ELL: variants seen among roughly 807,000 people sequenced by gnomAD.
ELL encodes RNA polymerase II elongation factor ELL.
In ELL, 18 loss-of-function variants were observed where a neutral mutation model predicts 64.0. That is an observed-to-expected ratio of 0.28 (90% CI 0.19 to 0.42). The LOEUF is 0.42. Ranked by LOEUF, ELL falls within the 10% of genes least tolerant of loss-of-function variation. The probability of loss-of-function intolerance (pLI) is 1.00; values close to 1 mark genes in which losing one functional copy is unlikely to be tolerated. For synonymous variants in ELL, 399 were observed against 376.2 expected, an observed-to-expected ratio of 1.06 and a Z score of -0.70; for missense variants, 797 against 870.4, an observed-to-expected ratio of 0.92 and a Z score of 1.06.
intron 1 of ELL, among the ~76,000 whole-genome samples, chr19:18,485,604 C>A (rs1278249569): frequency 6.6e-6 from 1 of 152,186 alleles, no homozygotes; most frequent in Non-Finnish European, 1.5e-5. Context: ...GAGATTCAGG[C>A]CCAGCCCAGG....
chr19:18,479,176 C>A (rs577621335), intron 1 of ELL, among the ~76,000 whole-genome samples: 1 of 152,230 alleles, frequency 6.6e-6, no homozygotes, highest in South Asian at 2.1e-4. Context: ...CCACTGAGGG[C>A]GGGGACAGTC....
intron 1 of ELL, among the ~76,000 whole-genome samples, chr19:18,512,151 T>C (rs113134077): frequency 2.3e-5 from 3 of 132,726 alleles, no homozygotes; most frequent in African/African-American, 9.8e-5. Flanking sequence ...TAAGACTCCG[T>C]CTCAAAAAAA....
chr19:18,500,821 C>T (rs1283046505), intron 1 of ELL, among the ~76,000 whole-genome samples: 2 of 152,196 alleles, frequency 1.3e-5, no homozygotes, highest in African/African-American at 4.8e-5. Flanking sequence ...TAATACGTCA[C>T]TGAGGTACAC....
chr19:18,478,236 G>A (rs777251280), intron 1 of ELL, among the ~76,000 whole-genome samples: 2 of 152,322 alleles, frequency 1.3e-5, no homozygotes, highest in Non-Finnish European at 1.5e-5. Context: ...CAAGCGCCTC[G>A]TTACCTCATC....
chr19:18,488,172 A>T (rs1975457368), intron 1 of ELL, among the ~76,000 whole-genome samples: 1 of 152,230 alleles, frequency 6.6e-6, no homozygotes, highest in African/African-American at 2.4e-5. Context: ...CCTGGGTCTT[A>T]TCTCACAAAA....
chr19:18,450,872 C>T lies in ELL; in HGVS notation c.1070G>A (p.Gly357Asp). 1 of 1,583,766 alleles carries T rather than the reference C, an allele frequency of 6.3e-7. No individual in the cohort carries two copies. The highest frequency in any genetic ancestry group is 8.6e-7 in the Non-Finnish European group (1 of 1,163,686). Reference sequence around the variant, plus strand: ...CAAGGCCTCACGGCCATTGGGCACGCCCAGCTTCCCGTTGACGGCAGGCTG... The same window carrying T: ...CAAGGCCTCACGGCCATTGGGCACGTCCAGCTTCCCGTTGACGGCAGGCTG... ...RAQPAVNGKL[G>D]VPNGREALLP... Residue 357 changes from glycine (G) to aspartate (D), a missense_variant, in exon 8 of 12, where the codon GGC (glycine) becomes GAC (aspartate). Transcript: ENST00000262809.
chr19:18,457,559 A>T lies in ELL; in HGVS notation c.869+646T>A, dbSNP rs151281158. 7.8e-4 allele frequency among the ~76,000 whole-genome samples: 118 copies of T among 152,242 alleles called. 2 individuals carry two copies. The highest frequency in any genetic ancestry group is 2.5e-3 in the African/African-American group (102 of 41,538). On this transcript the variant is annotated intron_variant, in intron 6 of 11. Coordinates refer to ENST00000262809, the MANE Select transcript of ELL (RefSeq NM_006532.4). ...TCCAAAAAACAACTACAAACTCATAAATACCTCCGAGTCCCTGAGAAATCA... is the reference window on the plus strand; with the variant it reads ...TCCAAAAAACAACTACAAACTCATATATACCTCCGAGTCCCTGAGAAATCA...
intron 5 of ELL, among the ~76,000 whole-genome samples, chr19:18,458,909 C>T (rs1974742145): frequency 6.6e-6 from 1 of 151,890 alleles, no homozygotes; most frequent in African/African-American, 2.4e-5. Context: ...TTCCAGCCAC[C>T]ACACCTGGCT....
intron 1 of ELL, among the ~76,000 whole-genome samples, chr19:18,520,236 AGTCCATCGTAGTTATAT>A (rs1281723260): frequency 6.6e-6 from 1 of 152,192 alleles, no homozygotes; most frequent in East Asian, 1.9e-4. Flanking sequence ...CCAGGTACCA[AGTCCATCGTAGTTATAT>A]GACTCACGAG....
chr19:18,509,499 C>G (rs1357508980), intron 1 of ELL, among the ~76,000 whole-genome samples: 2 of 152,044 alleles, frequency 1.3e-5, no homozygotes, highest in African/African-American at 4.8e-5. Flanking sequence ...CCACAGGCCC[C>G]CACTAATCAG....
chr19:18,515,380 G>A (rs1339052868), intron 1 of ELL, among the ~76,000 whole-genome samples: 1 of 152,190 alleles, frequency 6.6e-6, no homozygotes, highest in African/African-American at 2.4e-5. Flanking sequence ...CCCATCCAGC[G>A]GCCACAGTCC....
chr19:18,462,517 G>A (rs1974850793), intron 4 of ELL, among the ~76,000 whole-genome samples: 1 of 151,926 alleles, frequency 6.6e-6, no homozygotes, highest in African/African-American at 2.4e-5. Flanking sequence ...TGGAGTAGCT[G>A]GGACCACAGG....
At chr19:18,450,398 C>T (rs1974496842) in intron 8 of ELL, 79 bp downstream of exon 8, 1 of 1,552,154 alleles carries the variant, frequency 6.4e-7, no homozygotes, top group African/African-American at 1.4e-5. Context: ...CTTGAGCCCC[C>T]TCGACACCCC....
At chr19:18,494,063 A>G (rs901711893) in intron 1 of ELL, among the ~76,000 whole-genome samples, 2 of 151,846 alleles carry the variant, frequency 1.3e-5, no homozygotes, top group Non-Finnish European at 2.9e-5. Context: ...CCTTATTCCA[A>G]CCTCACTCCT....
rs1281135380 is a variant in ELL, at chr19:18,450,889, G to A, written c.1053C>T (p.Ala351=). 1.8e-5 allele frequency: 29 copies of A among 1,574,440 alleles called. No individual in the cohort carries two copies. Among genetic ancestry groups the A allele is most frequent in the Non-Finnish European group, 2.1e-5 (24 of 1,159,794 alleles). Residue 351 remains alanine (A), a synonymous_variant, in exon 8 of 12, where the codon GCC becomes GCT. Coordinates refer to ENST00000262809, the MANE Select transcript of ELL (RefSeq NM_006532.4). ...TGGGCACGCCCAGCTTCCCGTTGAC[G>A]GCAGGCTGAGCTCTCTGAGTGAAGT... ...ISHFTQRAQP[A]VNGKLGVPNG...
chr19:18,517,822 G>C (rs942977148), intron 1 of ELL, among the ~76,000 whole-genome samples: 1 of 151,310 alleles, frequency 6.6e-6, no homozygotes, highest in African/African-American at 2.4e-5. Context: ...AGGAGTTCAA[G>C]GCCGCAGTGA....
In ELL at chr19:18,489,964, C is replaced by G. The variant is rs562767796; in HGVS notation, c.136-17082G>C. Among the ~76,000 whole-genome samples the G allele has an allele frequency of 5.3e-5, 8 of 152,282 alleles. No individual in the cohort carries two copies. In the South Asian group the frequency reaches 1.7e-3, roughly 32 times the overall value. The stretch of plus-strand genomic sequence containing the variant: ...ACGCGCACTGAGCAGAGATATGGAG[C>G]TGGCCCTGACCACGCTGTGGAGCCC... On this transcript the variant is annotated intron_variant, in intron 1 of 11. Transcript: ENST00000262809.
At chr19:18,487,073 A>G (rs1975433651) in intron 1 of ELL, among the ~76,000 whole-genome samples, 1 of 152,200 alleles carries the variant, frequency 6.6e-6, no homozygotes, top group Non-Finnish European at 1.5e-5. Flanking sequence ...ACTCAGGAAC[A>G]CAAAGAAGGC....
chr19:18,498,681 G>A (rs914335651), intron 1 of ELL, among the ~76,000 whole-genome samples: 8 of 152,220 alleles, frequency 5.3e-5, no homozygotes, highest in Admixed American at 3.9e-4. Context: ...AGAAAGCTGG[G>A]TGTGGTGGCT....
Sources: gnomAD v4.1 joint callset for allele counts (sites outside exome capture counted in the v4.1 genomes callset) on GRCh38, gnomAD v4.1.1 for gene constraint, MANE v1.5 for transcripts, NCBI Gene and HGNC (gene_info 2026-07-23, HGNC 2026-07-21) for gene names.